SAMD12: variants seen among roughly 807,000 people sequenced by gnomAD.
The protein encoded by SAMD12 is sterile alpha motif domain-containing protein 12.
SAMD12 carries 9 observed loss-of-function variants against 15.0 expected under a neutral mutation model. The observed-to-expected ratio is 0.60, with a 90% CI of 0.36 to 1.05. The LOEUF (loss-of-function observed/expected upper bound fraction) is 1.05, where lower values mean the gene tolerates loss of function less well. SAMD12 is among the 50% of genes least tolerant of loss of function. The probability of loss-of-function intolerance (pLI) is 0.01; values close to 1 mark genes in which losing one functional copy is unlikely to be tolerated. For missense variants in SAMD12, 230 were observed against 234.2 expected (o/e 0.98, Z 0.12); for synonymous variants, 86 against 90.1 (o/e 0.96, Z 0.25).
intron 4 of SAMD12, among the ~76,000 whole-genome samples, chr8:118,325,848 T>C (rs75689103): frequency 0.013 from 1,940 of 152,316 alleles, 39 homozygotes; most frequent in African/African-American, 0.043. Flanking sequence ...AGTCTTACTC[T>C]CTAGGGAGAT....
chr8:118,193,315 G>C (rs1819459587), exon 5 of SAMD12: 1 of 152,188 alleles, frequency 6.6e-6, no homozygotes, highest in Non-Finnish European at 1.5e-5. Context: ...AATGCTCTCT[G>C]TCTTCCCAAA....
chr8:118,379,776 T>C, intron 3 of SAMD12, 76 bp from the exon 4 acceptor site: 1 of 1,536,776 alleles, frequency 6.5e-7, no homozygotes, highest in South Asian at 1.3e-5. Flanking sequence ...TGGTCTTGAC[T>C]AACCCTGCCA....
downstream of SAMD12, among the ~76,000 whole-genome samples, chr8:118,185,007 T>A (rs966996506): frequency 2.6e-5 from 4 of 151,864 alleles, no homozygotes; most frequent in African/African-American, 9.7e-5. Context: ...AAAAAATCAA[T>A]ACCTGTTTGC....
intron 1 of SAMD12, among the ~76,000 whole-genome samples, chr8:118,608,490 G>T (rs1012049200): frequency 2.0e-5 from 3 of 151,994 alleles, no homozygotes; most frequent in Admixed American, 1.3e-4. Context: ...TACGTAGAAG[G>T]ATAGAAGGAT....
intron 2 of SAMD12, among the ~76,000 whole-genome samples, chr8:118,541,299 C>A (rs191949210): frequency 6.6e-6 from 1 of 152,124 alleles, no homozygotes; most frequent in Non-Finnish European, 1.5e-5. Flanking sequence ...TGGCTCTAAG[C>A]CTTACCCTTC....
intron 4 of SAMD12, among the ~76,000 whole-genome samples, chr8:118,268,287 T>C (rs1813256868): frequency 6.6e-6 from 1 of 152,164 alleles, no homozygotes; most frequent in African/African-American, 2.4e-5. Context: ...TTCATCTCAA[T>C]ACAGTAATTT....
intron 2 of SAMD12, among the ~76,000 whole-genome samples, chr8:118,505,210 C>T (rs1222865424): frequency 1.3e-5 from 2 of 152,160 alleles, no homozygotes; most frequent in Admixed American, 1.3e-4. Context: ...ATTGGGTTTT[C>T]GTAAGCAAGA....
intron 4 of SAMD12, among the ~76,000 whole-genome samples, chr8:118,268,544 G>C (rs1190320796): frequency 6.6e-6 from 1 of 152,142 alleles, no homozygotes; most frequent in African/African-American, 2.4e-5. Flanking sequence ...GCCTGGCGTG[G>C]TGGCTCACAT....
intron 2 of SAMD12, among the ~76,000 whole-genome samples, chr8:118,511,995 T>A (rs1825102665): frequency 6.6e-6 from 1 of 152,074 alleles, no homozygotes; most frequent in Non-Finnish European, 1.5e-5. Context: ...AATCAATCAA[T>A]CAGTAGTTAG....
At chr8:118,294,796 T>C (rs1458467925) in intron 4 of SAMD12, among the ~76,000 whole-genome samples, 2 of 152,202 alleles carry the variant, frequency 1.3e-5, no homozygotes, top group Non-Finnish European at 2.9e-5. Flanking sequence ...CTTTCTCCTG[T>C]TATGTGCTCT....
At chr8:118,134,993 T>C in the SAMD12 span, among the ~76,000 whole-genome samples, 1 of 152,166 alleles carries the variant, frequency 6.6e-6, no homozygotes, top group African/African-American at 2.4e-5. Context: ...TGAGTGTGCA[T>C]TGCTAACAAG....
At chr8:118,332,569 T>C (rs1227002802) in intron 4 of SAMD12, among the ~76,000 whole-genome samples, 1 of 152,196 alleles carries the variant, frequency 6.6e-6, no homozygotes, top group Non-Finnish European at 1.5e-5. Flanking sequence ...AGCATTGCAG[T>C]GATAGGAAGG....
At chr8:118,341,279 T>C (rs988978157) in intron 4 of SAMD12, among the ~76,000 whole-genome samples, 9 of 152,162 alleles carry the variant, frequency 5.9e-5, no homozygotes, top group African/African-American at 1.9e-4. Context: ...AATGAGCCAG[T>C]GTATGCCTAG....
rs1177249450 is a variant in SAMD12, at chr8:118,364,378, T to C, written c.433+15182A>G. On this transcript the variant is annotated intron_variant, in intron 4 of 4. Coordinates refer to the SAMD12 transcript ENST00000409003. ...AGACATAACCTGCAAGTTTAGGTGATAGTGTTAGATGGGCTCCATCCTAGT... is the reference window on the plus strand; with the variant it reads ...AGACATAACCTGCAAGTTTAGGTGACAGTGTTAGATGGGCTCCATCCTAGT... 3.3e-5 allele frequency among the ~76,000 whole-genome samples: 5 copies of C among 152,134 alleles called. No homozygotes were observed. In the East Asian group the frequency reaches 9.6e-4, roughly 29 times the overall value.
intron 3 of SAMD12, among the ~76,000 whole-genome samples, chr8:118,415,448 GGTGTGTGTGTGTGT>G (rs58176749): frequency 1.1e-4 from 16 of 142,856 alleles, no homozygotes; most frequent in South Asian, 4.8e-4. Context: ...CTTGTCCTAA[GGTGTGTGTGTGTGT>G]GTGTGTGTGT....
At chr8:118,513,487 C>G (rs918566870) in intron 2 of SAMD12, among the ~76,000 whole-genome samples, 3 of 152,272 alleles carry the variant, frequency 2.0e-5, no homozygotes, top group African/African-American at 7.2e-5. Context: ...CAAAGAAAAA[C>G]CAACAATCAA....
intron 3 of SAMD12, among the ~76,000 whole-genome samples, chr8:118,420,525 G>A (rs1306089039): frequency 6.6e-6 from 1 of 152,108 alleles, no homozygotes; most frequent in Non-Finnish European, 1.5e-5. Flanking sequence ...CATGCACAAT[G>A]TATTTTATTT....
At chr8:118,233,298 G>A (rs1812355369) in intron 4 of SAMD12, among the ~76,000 whole-genome samples, 2 of 152,260 alleles carry the variant, frequency 1.3e-5, no homozygotes, top group Admixed American at 1.3e-4. Flanking sequence ...TTAATTTGTG[G>A]CTTTGATGTC....
chr8:118,612,566 G>A (rs538915993), intron 1 of SAMD12, among the ~76,000 whole-genome samples: 2 of 152,258 alleles, frequency 1.3e-5, no homozygotes, highest in South Asian at 4.1e-4. Context: ...TCTTGTCCTT[G>A]TGAGGTTGTC....
Sources: allele counts gnomAD v4.1 joint callset (sites outside exome capture counted in the v4.1 genomes callset), GRCh38; gene constraint gnomAD v4.1.1; transcripts MANE v1.5; gene names NCBI Gene and HGNC (gene_info 2026-07-23, HGNC 2026-07-21).